Variants in STK32C observed in about 807,000 individuals in gnomAD.
The protein encoded by STK32C is serine/threonine-protein kinase 32C.
Under a neutral mutation model 56.5 loss-of-function variants are expected in STK32C, and 31 were observed. That is an observed-to-expected ratio of 0.55 (90% confidence interval 0.41 to 0.74). The LOEUF (loss-of-function observed/expected upper bound fraction) is 0.74. Among genes scored for constraint, STK32C ranks in the 30% least tolerant of loss-of-function variants. The pLI is 0.00. For missense variants in STK32C, 544 were observed against 676.9 expected, an observed-to-expected ratio of 0.80 and a Z score of 2.18; for synonymous variants, 309 against 289.4, an observed-to-expected ratio of 1.07 and a Z score of -0.69.
intron 1 of STK32C, among the ~76,000 whole-genome samples, chr10:132,314,692 T>A (rs1159195774): frequency 1.3e-5 from 2 of 152,146 alleles, no homozygotes; most frequent in South Asian, 2.1e-4. Context: ...AGATATACCA[T>A]GCAAATAATA....
intron 1 of STK32C, among the ~76,000 whole-genome samples, chr10:132,253,613 G>A (rs1042776386): frequency 4.8e-5 from 7 of 146,660 alleles, no homozygotes; most frequent in Non-Finnish European, 7.6e-5. Flanking sequence ...GGAGGGAGCC[G>A]AGGGAGCTGG....
At chr10:132,227,105 C>A (rs1022959785) in intron 3 of STK32C, 137 bp from the exon 4 acceptor site, 1 of 1,033,448 alleles carries the variant, frequency 9.7e-7, no homozygotes, top group African/African-American at 1.6e-5. Flanking sequence ...GGAGGAGGGG[C>A]CTGCCCAAGG....
chr10:132,285,755 C>G (rs974028646), intron 1 of STK32C, among the ~76,000 whole-genome samples: 1 of 152,192 alleles, frequency 6.6e-6, no homozygotes, highest in Non-Finnish European at 1.5e-5. Context: ...TCATTCCCCT[C>G]TATTATAGAC....
intron 1 of STK32C, chr10:132,249,159 C>A: frequency 4.5e-6 from 1 of 224,296 alleles, no homozygotes. Context: ...GCGGGGCGTG[C>A]AGGGGGCGGG....
intron 1 of STK32C, 116 bp from the exon 2 acceptor site, chr10:132,246,071 A>C: frequency 9.4e-7 from 1 of 1,068,376 alleles, no homozygotes; most frequent in Non-Finnish European, 1.4e-6. Flanking sequence ...TCATCCTAGA[A>C]GAGGGTCGCC....
At chr10:132,309,328 C>T (rs964739431), upstream of STK32C, among the ~76,000 whole-genome samples, 12 of 151,746 alleles carry the variant, frequency 7.9e-5, no homozygotes, top group Non-Finnish European at 1.8e-4. Context: ...CTACCTAGGA[C>T]ATGCACCCGC....
chr10:132,273,221 T>C (rs752070764), intron 1 of STK32C, among the ~76,000 whole-genome samples: 1 of 152,070 alleles, frequency 6.6e-6, no homozygotes, highest in Non-Finnish European at 1.5e-5. Flanking sequence ...CTGATAGAGC[T>C]TTCTGTGCTC....
chr10:132,309,753 G>A (rs1369113606), upstream of STK32C, among the ~76,000 whole-genome samples: 2 of 152,154 alleles, frequency 1.3e-5, no homozygotes, highest in African/African-American at 4.8e-5. Flanking sequence ...CTGCGTACCC[G>A]GTGCACACAT....
intron 1 of STK32C, among the ~76,000 whole-genome samples, chr10:132,298,334 T>C (rs898237951): frequency 2.0e-5 from 3 of 152,238 alleles, no homozygotes; most frequent in Non-Finnish European, 4.4e-5. Flanking sequence ...CTACTCTGCG[T>C]CTGTGGGCGC....
At chr10:132,231,450 G>A (rs2063097158) in intron 2 of STK32C, among the ~76,000 whole-genome samples, 1 of 152,232 alleles carries the variant, frequency 6.6e-6, no homozygotes, top group South Asian at 2.1e-4. Flanking sequence ...TGCAGTTCAA[G>A]AAAAGCTTGC....
chr10:132,272,995 C>T (rs2064876240), intron 1 of STK32C, among the ~76,000 whole-genome samples: 2 of 152,220 alleles, frequency 1.3e-5, no homozygotes, highest in Non-Finnish European at 2.9e-5. Context: ...CAGAGCCGCA[C>T]GCTTTGCACC....
intron 1 of STK32C, among the ~76,000 whole-genome samples, chr10:132,305,872 C>T (rs1383567964): frequency 6.6e-6 from 1 of 152,156 alleles, no homozygotes; most frequent in Non-Finnish European, 1.5e-5. Flanking sequence ...TGAGTCCCGG[C>T]GGGTGCTCAG....
At chr10:132,240,798 AC>A (rs2063474145) in intron 2 of STK32C, among the ~76,000 whole-genome samples, 1 of 151,878 alleles carries the variant, frequency 6.6e-6, no homozygotes, top group Non-Finnish European at 1.5e-5. Context: ...GAGGGCAGAG[AC>A]CCACTTAGGG....
At chr10:132,269,322 G>A (rs74161756) in intron 1 of STK32C, among the ~76,000 whole-genome samples, 7,513 of 152,276 alleles carry the variant, frequency 0.049, 220 homozygotes, top group Middle Eastern at 0.078. Flanking sequence ...TACGTGCCTG[G>A]CCTCATCTGA....
chr10:132,309,007 C>A (rs2066168437), upstream of STK32C, among the ~76,000 whole-genome samples: 1 of 152,200 alleles, frequency 6.6e-6, no homozygotes, highest in South Asian at 2.1e-4. Flanking sequence ...AACCAGGACA[C>A]AAAGACGGGG....
intron 2 of STK32C, among the ~76,000 whole-genome samples, chr10:132,242,621 T>C (rs1310008864): frequency 1.3e-5 from 2 of 151,982 alleles, no homozygotes; most frequent in Non-Finnish European, 2.9e-5. Flanking sequence ...GAGGGCCCTG[T>C]AGTCTCCCCA....
chr10:132,223,230 G>C (rs899528304), intron 8 of STK32C, among the ~76,000 whole-genome samples: 3 of 152,236 alleles, frequency 2.0e-5, no homozygotes, highest in Non-Finnish European at 4.4e-5. Context: ...AACCCCTGGC[G>C]CCAGAGGACA....
At chr10:132,305,974 A>C (rs1053851245) in intron 1 of STK32C, among the ~76,000 whole-genome samples, 1 of 152,244 alleles carries the variant, frequency 6.6e-6, no homozygotes, top group African/African-American at 2.4e-5. Context: ...CTACAGGCAA[A>C]TACGGTGATG....
chr10:132,273,823 GATGAGTGA>G lies in STK32C; in HGVS notation c.263-27876_263-27869del, dbSNP rs201845611. Among the ~76,000 whole-genome samples, 9 of 150,956 alleles carry G rather than the reference GATGAGTGA, an allele frequency of 6.0e-5. No homozygotes were observed. The South Asian group carries it at 1.5e-3, about 25-fold the overall frequency. Reference sequence around the variant, plus strand: ...GAGTGAATGAGGTGAGCAAATGAGAGATGAGTGAATGAGTGAATGAACGCACAGTGAGT... The same window carrying G: ...GAGTGAATGAGGTGAGCAAATGAGAGATGAGTGAATGAACGCACAGTGAGT... On this transcript the variant is annotated intron_variant, in intron 1 of 11. Coordinates refer to ENST00000298630, the MANE Select transcript of STK32C (RefSeq NM_173575.4).
Sources: allele counts gnomAD v4.1 joint callset (sites outside exome capture counted in the v4.1 genomes callset), GRCh38; gene constraint gnomAD v4.1.1; transcripts MANE v1.5; gene names NCBI Gene and HGNC (gene_info 2026-07-23, HGNC 2026-07-21).